Variants in LTAP1 observed in about 807,000 individuals in gnomAD.
LTAP1 encodes lipid transport auxiliary protein 1.
the LTAP1 span, chr1:154,212,393 AG>A: frequency 1.2e-6 from 2 of 1,614,112 alleles, no homozygotes; most frequent in Non-Finnish European, 1.7e-6. Context: ...GGAAAGAGAA[AG>A]GAAGAGTGAG....
At chr1:154,211,746 C>T in the LTAP1 span, 1 of 153,812 alleles carries the variant, frequency 6.5e-6, no homozygotes, top group Non-Finnish European at 1.4e-5. Context: ...TGCTAGGCTA[C>T]ACCAATTTTG....
chr1:154,220,269 GGGTA>G, the LTAP1 span: 4 of 1,548,290 alleles, frequency 2.6e-6, no homozygotes, highest in Non-Finnish European at 3.6e-6. Flanking sequence ...AATGCAGACG[GGGTA>G]CAGCTCAAAA....
the LTAP1 span, chr1:154,214,517 G>C: frequency 6.2e-7 from 1 of 1,613,962 alleles, no homozygotes; most frequent in Non-Finnish European, 8.5e-7. Context: ...AGGAGCTGGG[G>C]CTCATACTTG....
the LTAP1 span, chr1:154,220,403 G>A: frequency 1.9e-6 from 3 of 1,614,072 alleles, no homozygotes; most frequent in Non-Finnish European, 2.5e-6. Flanking sequence ...ACTGCCGGAC[G>A]CCATGGCCTC....
At chr1:154,215,025 A>C in the LTAP1 span, among the ~76,000 whole-genome samples, 1 of 151,736 alleles carries the variant, frequency 6.6e-6, no homozygotes, top group Non-Finnish European at 1.5e-5. Flanking sequence ...TTCTATTCTT[A>C]GTAGAGATGG....
chr1:154,211,583 C>T, the LTAP1 span, among the ~76,000 whole-genome samples: 1 of 151,474 alleles, frequency 6.6e-6, no homozygotes, highest in African/African-American at 2.4e-5. Context: ...GATTCGCCTG[C>T]CTCGGCCTCC....
chr1:154,218,916 G>A, the LTAP1 span, among the ~76,000 whole-genome samples: 1 of 152,196 alleles, frequency 6.6e-6, no homozygotes, highest in Non-Finnish European at 1.5e-5. Flanking sequence ...TAGGTAATAA[G>A]CATTCCTTTT....
At chr1:154,220,471 C>T in the LTAP1 span, 5 of 1,602,236 alleles carry the variant, frequency 3.1e-6, no homozygotes, top group Non-Finnish European at 4.3e-6. Flanking sequence ...TCAGCCCAGG[C>T]TCCGCCGAAG....
chr1:154,209,018 G>A, the LTAP1 span, among the ~76,000 whole-genome samples: 23 of 152,162 alleles, frequency 1.5e-4, no homozygotes, highest in Non-Finnish European at 3.2e-4. Flanking sequence ...AAAGTGCTGG[G>A]ATTACAGCCG....
chr1:154,220,301 T>G, the LTAP1 span: 3 of 1,610,568 alleles, frequency 1.9e-6, no homozygotes, highest in Non-Finnish European at 2.5e-6. Context: ...CTCTACTGGG[T>G]AAGATGCGAC....
At chr1:154,219,774 A>G in the LTAP1 span, 1 of 1,217,340 alleles carries the variant, frequency 8.2e-7, no homozygotes, top group East Asian at 2.4e-5. Context: ...GGCAGAGGAA[A>G]TCTCATTCTT....
At chr1:154,213,862 C>A in the LTAP1 span, 3 of 1,598,684 alleles carry the variant, frequency 1.9e-6, no homozygotes, top group South Asian at 3.3e-5. Flanking sequence ...CTTTCAGGAT[C>A]CTAGAATGGA....
the LTAP1 span, among the ~76,000 whole-genome samples, chr1:154,217,041 G>C: frequency 6.7e-6 from 1 of 150,084 alleles, no homozygotes; most frequent in African/African-American, 2.5e-5. Flanking sequence ...CCTCCGCCGG[G>C]GCTCAAGTGA....
At chr1:154,220,581 G>A in the LTAP1 span, 4 of 653,804 alleles carry the variant, frequency 6.1e-6, no homozygotes, top group Non-Finnish European at 1.1e-5. Flanking sequence ...CAGGAGAGCT[G>A]GGAAAGGAGA....
the LTAP1 span, chr1:154,212,612 T>C: frequency 3.1e-6 from 5 of 1,613,944 alleles, no homozygotes; most frequent in Non-Finnish European, 4.2e-6. Context: ...GCCTTCAGAA[T>C]GAAATGGGAT....
At chr1:154,207,062 A>G in the LTAP1 span, 1 of 181,448 alleles carries the variant, frequency 5.5e-6, no homozygotes, top group South Asian at 1.1e-4. Flanking sequence ...TCAACTGTGC[A>G]CAAAGGTATA....
the LTAP1 span, chr1:154,207,442 C>G: frequency 3.1e-6 from 5 of 1,613,668 alleles, no homozygotes; most frequent in South Asian, 1.1e-5. Flanking sequence ...GGCAAGAGTC[C>G]TTCAGCTCCG....
the LTAP1 span, chr1:154,212,305 C>G: frequency 6.2e-7 from 1 of 1,614,006 alleles, no homozygotes; most frequent in South Asian, 1.1e-5. Context: ...CTGACACGTT[C>G]CCCTCCAAAC....
the LTAP1 span, among the ~76,000 whole-genome samples, chr1:154,218,910 T>C: frequency 2.6e-5 from 4 of 152,108 alleles, no homozygotes; most frequent in African/African-American, 7.2e-5. Context: ...TTAAAATAGG[T>C]AATAAGCATT....
Sources: allele counts gnomAD v4.1 joint callset (sites outside exome capture counted in the v4.1 genomes callset), GRCh38; gene constraint gnomAD v4.1.1; transcripts MANE v1.5; gene names NCBI Gene and HGNC (gene_info 2026-07-23, HGNC 2026-07-21).